The following CEP112 variants were observed in gnomAD, a reference collection of about 807,000 sequenced individuals.
CEP112 encodes the protein centrosomal protein of 112 kDa.
CEP112 carries 127 observed loss-of-function variants against 153.0 expected under a neutral mutation model. That is an observed-to-expected ratio of 0.83 (90% CI 0.72 to 0.96). The LOEUF (loss-of-function observed/expected upper bound fraction) is 0.96, where lower values mean the gene tolerates loss of function less well. Among genes scored for constraint, CEP112 ranks in the 40% least tolerant of loss-of-function variants. The probability of loss-of-function intolerance (pLI) is 0.00; values close to 1 mark genes in which losing one functional copy is unlikely to be tolerated. For synonymous variants in CEP112, 358 were observed against 374.4 expected, an observed-to-expected ratio of 0.96 and a Z score of 0.51; for missense variants, 1,089 against 1,101.2, an observed-to-expected ratio of 0.99 and a Z score of 0.16.
chr17:65,739,217 A>G (rs1338768303), intron 23 of CEP112, among the ~76,000 whole-genome samples: 2 of 152,214 alleles, frequency 1.3e-5, no homozygotes, highest in African/African-American at 4.8e-5. Context: ...AATGCCACAC[A>G]TTGAGCAGAT....
chr17:65,925,101 G>A (rs955018456), intron 19 of CEP112, among the ~76,000 whole-genome samples: 10 of 152,238 alleles, frequency 6.6e-5, no homozygotes, highest in East Asian at 3.9e-4. Context: ...TGTGAAGGGC[G>A]GGACCAGGTG....
intron 24 of CEP112, chr17:65,655,118 C>T (rs984953499): frequency 2.8e-6 from 2 of 721,174 alleles, no homozygotes; most frequent in African/African-American, 1.7e-5. Context: ...CATTCCCAAG[C>T]CATGGAGATG....
At chr17:66,081,016 G>A (rs1313896546) in intron 8 of CEP112, among the ~76,000 whole-genome samples, 1 of 151,590 alleles carries the variant, frequency 6.6e-6, no homozygotes, top group Admixed American at 6.6e-5. Flanking sequence ...CTGTCAGGGG[G>A]TAGGGGGCTA....
intron 21 of CEP112, among the ~76,000 whole-genome samples, chr17:65,802,623 C>T (rs2055347851): frequency 6.6e-6 from 1 of 152,156 alleles, no homozygotes; most frequent in Non-Finnish European, 1.5e-5. Context: ...CAACATTCCA[C>T]CAAGCTCATC....
chr17:65,662,333 GA>G (rs746711030), intron 24 of CEP112, among the ~76,000 whole-genome samples: 33 of 152,172 alleles, frequency 2.2e-4, no homozygotes, highest in Non-Finnish European at 3.5e-4. Flanking sequence ...ACAGTACTGG[GA>G]GAGCAATAGT....
At chr17:65,937,202 A>G (rs2061340892) in intron 18 of CEP112, among the ~76,000 whole-genome samples, 1 of 135,742 alleles carries the variant, frequency 7.4e-6, no homozygotes, top group South Asian at 3.1e-4. Context: ...TTGGCCTCCC[A>G]AAGTGCCGAG....
At chr17:66,089,931 T>C (rs538453356) in intron 8 of CEP112, among the ~76,000 whole-genome samples, 3 of 152,188 alleles carry the variant, frequency 2.0e-5, no homozygotes, top group Admixed American at 1.3e-4. Flanking sequence ...TCTGAAAATA[T>C]CAAGAGAAAA....
chr17:65,811,842 T>G (rs1364483437), intron 21 of CEP112, among the ~76,000 whole-genome samples: 2 of 152,156 alleles, frequency 1.3e-5, no homozygotes, highest in Admixed American at 1.3e-4. Context: ...GAGCCTGGCT[T>G]TTCTGTAATA....
intron 16 of CEP112, among the ~76,000 whole-genome samples, chr17:66,012,002 T>C (rs1460988093): frequency 1.3e-5 from 2 of 152,226 alleles, no homozygotes. Context: ...TTGATATTTG[T>C]TGATTTAAAG....
chr17:65,938,583 A>T (rs2144428440), intron 18 of CEP112, among the ~76,000 whole-genome samples: 1 of 152,310 alleles, frequency 6.6e-6, no homozygotes, highest in Admixed American at 6.5e-5. Flanking sequence ...TACTAGTAGA[A>T]GTCCTAGCCA....
chr17:65,920,359 C>CAAA (rs1555713306), intron 19 of CEP112, among the ~76,000 whole-genome samples: 1 of 29,838 alleles, frequency 3.4e-5, no homozygotes, highest in African/African-American at 1.3e-4. Flanking sequence ...AACAAACAAA[C>CAAA]AAAATATATA....
chr17:65,653,579 C>T (rs1424160463), intron 24 of CEP112, among the ~76,000 whole-genome samples: 2 of 152,104 alleles, frequency 1.3e-5, no homozygotes, highest in Non-Finnish European at 2.9e-5. Flanking sequence ...AGCAAAAAGA[C>T]ACAGGGCTTC....
rs117521680 is a variant in CEP112, at chr17:65,807,952, G to A, written c.2394+43852C>T. ...AGAGGGCCACCATCCTCCAGACCCC[G>A]GAATGCTAGTTCCACTGACAACTTT... is the stretch of plus-strand genomic sequence containing the variant. On this transcript the variant is annotated intron_variant, in intron 21 of 26. Coordinates refer to ENST00000535342, the MANE Select transcript of CEP112 (RefSeq NM_001199165.4). Among the ~76,000 whole-genome samples, 1,125 of 152,324 alleles carry A rather than the reference G, an allele frequency of 7.4e-3. 5 individuals carry two copies. The highest frequency in any genetic ancestry group is 0.011 in the Non-Finnish European group (760 of 68,024).
At chr17:66,023,337 T>C (rs1050122523) in intron 16 of CEP112, among the ~76,000 whole-genome samples, 3 of 152,028 alleles carry the variant, frequency 2.0e-5, no homozygotes, top group South Asian at 4.1e-4. Flanking sequence ...TAGTCACCTA[T>C]TAAGAAAAAA....
At chr17:65,959,957 G>T (rs2062140445) in intron 18 of CEP112, among the ~76,000 whole-genome samples, 1 of 152,150 alleles carries the variant, frequency 6.6e-6, no homozygotes, top group Admixed American at 6.5e-5. Flanking sequence ...CTCAGGCAAA[G>T]GTGCCACTAG....
chr17:65,830,702 C>A (rs2057038847), intron 21 of CEP112, among the ~76,000 whole-genome samples: 1 of 152,196 alleles, frequency 6.6e-6, no homozygotes, highest in African/African-American at 2.4e-5. Context: ...CCCAACTGCT[C>A]TATGGAGCCT....
chr17:66,181,486 C>T (rs1216458170), intron 2 of CEP112, among the ~76,000 whole-genome samples: 2 of 151,998 alleles, frequency 1.3e-5, no homozygotes, highest in East Asian at 3.9e-4. Context: ...GCTGGGACTG[C>T]AGGTGCCCAC....
At chr17:66,132,839 T>C in intron 4 of CEP112, 76 bp from the exon 5 acceptor site, 1 of 968,234 alleles carries the variant, frequency 1.0e-6, no homozygotes, top group Non-Finnish European at 1.7e-6. Context: ...AGGATTACCA[T>C]TTCTTTCCCT....
intron 17 of CEP112, among the ~76,000 whole-genome samples, chr17:66,003,695 G>C (rs1371151144): frequency 1.3e-5 from 2 of 152,150 alleles, no homozygotes; most frequent in African/African-American, 4.8e-5. Context: ...TAGGAACCAG[G>C]CCACAGCAAG....
Sources: gnomAD v4.1 joint callset for allele counts (sites outside exome capture counted in the v4.1 genomes callset) on GRCh38, gnomAD v4.1.1 for gene constraint, MANE v1.5 for transcripts, NCBI Gene and HGNC (gene_info 2026-07-23, HGNC 2026-07-21) for gene names.